The following R3HCC1L variants were observed in gnomAD, a reference collection of about 807,000 sequenced individuals.
R3HCC1L encodes coiled-coil domain-containing protein R3HCC1L.
R3HCC1L carries 51 observed loss-of-function variants against 59.9 expected under a neutral mutation model. That is an observed-to-expected ratio of 0.85 (90% CI 0.68 to 1.07). The LOEUF (loss-of-function observed/expected upper bound fraction) is 1.07. Among genes scored for constraint, R3HCC1L ranks in the 50% least tolerant of loss-of-function variants. The pLI is 0.00. For synonymous variants in R3HCC1L, 322 were observed against 315.2 expected (o/e 1.02, Z -0.23); for missense variants, 965 against 933.0 (o/e 1.03, Z -0.45).
intron 1 of R3HCC1L, among the ~76,000 whole-genome samples, chr10:98,142,445 C>G (rs1845239655): frequency 6.6e-6 from 1 of 151,666 alleles, no homozygotes; most frequent in Non-Finnish European, 1.5e-5. Context: ...CGAGACCAGC[C>G]CGGCCAATGT....
intron 5 of R3HCC1L, among the ~76,000 whole-genome samples, chr10:98,227,348 T>C (rs1360987950): frequency 6.6e-6 from 1 of 152,162 alleles, no homozygotes; most frequent in Non-Finnish European, 1.5e-5. Flanking sequence ...ACCTTCCTCC[T>C]TCTCCCAATA....
intron 1 of R3HCC1L, 108 bp from the exon 2 acceptor site, chr10:98,155,985 A>T (rs1423319533): frequency 6.6e-6 from 1 of 151,964 alleles, no homozygotes; most frequent in Non-Finnish European, 1.5e-5. Flanking sequence ...TTATTTGCTG[A>T]TAGTGTCTTA....
chr10:98,241,349 C>T (rs1857514199), intron 9 of R3HCC1L, among the ~76,000 whole-genome samples: 1 of 151,984 alleles, frequency 6.6e-6, no homozygotes. Context: ...ACCAAACTGG[C>T]CCTTTTACAA....
chr10:98,209,572 T>A lies in R3HCC1L; in HGVS notation c.1458T>A (p.Phe486Leu). The A allele has an allele frequency of 6.2e-7, 1 of 1,614,018 alleles. No individual in the cohort carries two copies. The highest frequency in any genetic ancestry group is 2.2e-5 in the East Asian group (1 of 44,854). Residue 486 changes from phenylalanine to leucine, a missense_variant, in exon 5 of 10, where the codon TTT becomes TTA. Phe to Leu is a conservative substitution (Grantham distance 22). Transcript: ENST00000298999. Reference protein sequence around the residue: ...KKIAGSNYNTFLDSELSMLNG... With the variant: ...KKIAGSNYNTLLDSELSMLNG... ...TTGCTGGTAGTAATTATAACACTTTTTTGGACTCTGAACTCAGTATGTTAA... is the reference window on the plus strand; with the variant it reads ...TTGCTGGTAGTAATTATAACACTTTATTGGACTCTGAACTCAGTATGTTAA...
At chr10:98,229,792 G>T (rs186734246) in intron 5 of R3HCC1L, among the ~76,000 whole-genome samples, 3 of 152,116 alleles carry the variant, frequency 2.0e-5, no homozygotes, top group South Asian at 2.1e-4. Flanking sequence ...TAGCATGAAG[G>T]GTTGTTGAAT....
chr10:98,150,467 T>C (rs948269403), intron 1 of R3HCC1L, among the ~76,000 whole-genome samples: 10 of 152,366 alleles, frequency 6.6e-5, no homozygotes, highest in Middle Eastern at 3.4e-3. Context: ...TTTTGGTTTT[T>C]ATTATGTGTT....
At chr10:98,175,840 T>C (rs549568163) in intron 4 of R3HCC1L, among the ~76,000 whole-genome samples, 2 of 152,190 alleles carry the variant, frequency 1.3e-5, no homozygotes, top group Non-Finnish European at 2.9e-5. Context: ...TGATGTTGTA[T>C]CTAAGAAACC....
At chr10:98,210,698 G>A (rs1262820228) in intron 5 of R3HCC1L, among the ~76,000 whole-genome samples, 2 of 152,150 alleles carry the variant, frequency 1.3e-5, no homozygotes, top group Non-Finnish European at 2.9e-5. Context: ...TGAGGAAGTT[G>A]AAGCTCAGTG....
chr10:98,194,114 T>C (rs1467716199), intron 4 of R3HCC1L, among the ~76,000 whole-genome samples: 1 of 152,020 alleles, frequency 6.6e-6, no homozygotes, highest in Non-Finnish European at 1.5e-5. Context: ...CAAAACAGTA[T>C]GGTGTTAGCA....
intron 4 of R3HCC1L, among the ~76,000 whole-genome samples, chr10:98,207,554 T>C (rs1031562762): frequency 6.6e-6 from 1 of 152,226 alleles, no homozygotes; most frequent in Non-Finnish European, 1.5e-5. Flanking sequence ...TTTTCACTAC[T>C]TTCTCTTTTC....
intron 4 of R3HCC1L, 26 bp from the exon 5 acceptor site, chr10:98,208,075 A>C: frequency 6.4e-7 from 1 of 1,550,426 alleles, no homozygotes; most frequent in Non-Finnish European, 8.7e-7. Flanking sequence ...TTAGTGTCTA[A>C]TAATTAAATC....
In R3HCC1L at chr10:98,209,650, T is replaced by C. The variant is rs778283837; in HGVS notation, c.1536T>C (p.Thr512=). The C allele has an allele frequency of 6.2e-7, 1 of 1,614,036 alleles. No homozygotes were observed. The highest frequency in any genetic ancestry group is 1.7e-5 in the Admixed American group (1 of 60,010). The part of the protein sequence containing the change: ...DSAVGIDLGS[T]GDTTEALHEL... ...CCGTGGGCATTGACCTGGGTAGTAC[T>C]GGTGATACAACAGAAGCATTGCACG... The change falls in exon 5 of 10, where the codon ACT becomes ACC. Residue 512 remains threonine (T), a synonymous_variant. Transcript: ENST00000298999.
intron 5 of R3HCC1L, among the ~76,000 whole-genome samples, chr10:98,230,707 G>A (rs1278006035): frequency 1.3e-5 from 2 of 152,016 alleles, no homozygotes; most frequent in Non-Finnish European, 2.9e-5. Flanking sequence ...TTCTCTTATG[G>A]GCATTTAGTG....
intron 5 of R3HCC1L, among the ~76,000 whole-genome samples, chr10:98,213,836 A>G (rs1853865806): frequency 6.6e-6 from 1 of 152,162 alleles, no homozygotes. Flanking sequence ...CATATTTTAT[A>G]AAGATGTCTG....
chr10:98,237,861 T>C (rs1857131863), intron 9 of R3HCC1L, among the ~76,000 whole-genome samples: 1 of 152,192 alleles, frequency 6.6e-6, no homozygotes, highest in South Asian at 2.1e-4. Flanking sequence ...CTTTAAATAT[T>C]TTTTTTCAGT....
chr10:98,211,109 A>G (rs1853512849), intron 5 of R3HCC1L, among the ~76,000 whole-genome samples: 2 of 152,198 alleles, frequency 1.3e-5, no homozygotes, highest in South Asian at 4.1e-4. Context: ...ATACCTATGA[A>G]TGAGCATCCA....
chr10:98,196,716 C>G (rs1851472668), intron 4 of R3HCC1L, among the ~76,000 whole-genome samples: 1 of 152,184 alleles, frequency 6.6e-6, no homozygotes, highest in Non-Finnish European at 1.5e-5. Flanking sequence ...GCTGCAATAA[C>G]TTCCTAACAG....
chr10:98,235,006 A>G (rs1856768832), intron 7 of R3HCC1L, among the ~76,000 whole-genome samples: 2 of 152,192 alleles, frequency 1.3e-5, no homozygotes, highest in Non-Finnish European at 1.5e-5. Context: ...GTTAGTTCCT[A>G]TCTGAACCAC....
chr10:98,196,916 G>A (rs946482544), intron 4 of R3HCC1L, among the ~76,000 whole-genome samples: 3 of 151,818 alleles, frequency 2.0e-5, no homozygotes, highest in Non-Finnish European at 4.4e-5. Context: ...TGACTTCTCC[G>A]CCCCTTCTTT....
Sources: gnomAD v4.1 joint callset for allele counts (sites outside exome capture counted in the v4.1 genomes callset) on GRCh38, gnomAD v4.1.1 for gene constraint, MANE v1.5 for transcripts, NCBI Gene and HGNC (gene_info 2026-07-23, HGNC 2026-07-21) for gene names.